Variants in EXOC6B observed in about 807,000 individuals in gnomAD.
EXOC6B encodes exocyst complex component 6B.
In EXOC6B, 54 loss-of-function variants were observed where a neutral mutation model predicts 113.5. The observed-to-expected ratio is 0.48, with a 90% CI of 0.38 to 0.60. The LOEUF is 0.60. Ranked by LOEUF, EXOC6B falls within the 20% of genes least tolerant of loss-of-function variation. The pLI is 0.00. For synonymous variants in EXOC6B, 357 were observed against 339.0 expected (o/e 1.05, Z -0.58); for missense variants, 797 against 977.5 (o/e 0.82, Z 2.46).
intron 5 of EXOC6B, 62 bp downstream of exon 5, chr2:72,730,945 A>C (rs1218080536): frequency 1.7e-6 from 2 of 1,192,990 alleles, no homozygotes; most frequent in Non-Finnish European, 2.3e-6. Flanking sequence ...ATGGACCTAA[A>C]CGTATTCTAA....
At chr2:72,350,285 A>G (rs1162315226) in intron 19 of EXOC6B, among the ~76,000 whole-genome samples, 2 of 152,224 alleles carry the variant, frequency 1.3e-5, no homozygotes, top group African/African-American at 4.8e-5. Flanking sequence ...AACATTTTCT[A>G]TATTTTCTAG....
In EXOC6B at chr2:72,698,507, C is replaced by CTA. The variant is rs200634947; in HGVS notation, c.669+19594_669+19595dup. On this transcript the variant is annotated intron_variant, in intron 6 of 21. Transcript: ENST00000272427. ...AATACCAATTTTATGCTTACTCATA[C>CTA]TATATTATCTCTAACTATTTCAAGT... is the stretch of plus-strand genomic sequence containing the variant. Among the ~76,000 whole-genome samples the CTA allele has an allele frequency of 1.1e-3, 169 of 152,024 alleles. 2 individuals carry two copies. In the East Asian group the frequency reaches 0.026, roughly 23 times the overall value.
chr2:72,560,891 G>GA (rs545739586), intron 7 of EXOC6B, among the ~76,000 whole-genome samples: 115 of 150,122 alleles, frequency 7.7e-4, no homozygotes, highest in Middle Eastern at 7.0e-3. Flanking sequence ...GCAAATTACT[G>GA]AAAAAAAATA....
At chr2:72,605,046 C>A (rs1670664053) in intron 6 of EXOC6B, among the ~76,000 whole-genome samples, 1 of 152,064 alleles carries the variant, frequency 6.6e-6, no homozygotes, top group Non-Finnish European at 1.5e-5. Flanking sequence ...GTAATCCCAG[C>A]ACTTTGGGAG....
chr2:72,183,992 G>A (rs1352564872), intron 21 of EXOC6B, 83 bp downstream of exon 21: 2 of 739,348 alleles, frequency 2.7e-6, no homozygotes, highest in East Asian at 5.8e-5. Flanking sequence ...CAAGGTATTG[G>A]CAGTGGCAAA....
chr2:72,322,988 A>C (rs1687919194), intron 20 of EXOC6B, among the ~76,000 whole-genome samples: 1 of 152,230 alleles, frequency 6.6e-6, no homozygotes. Flanking sequence ...AAATTGATAC[A>C]TGGGATCTAA....
chr2:72,819,985 C>A (rs1236220003), intron 1 of EXOC6B, among the ~76,000 whole-genome samples: 1 of 151,840 alleles, frequency 6.6e-6, no homozygotes, highest in Non-Finnish European at 1.5e-5. Context: ...TGTCACGAAC[C>A]AAGGATTATG....
intron 6 of EXOC6B, among the ~76,000 whole-genome samples, chr2:72,581,395 G>C (rs897019454): frequency 6.6e-6 from 1 of 152,112 alleles, no homozygotes; most frequent in Non-Finnish European, 1.5e-5. Context: ...AAAGTTATTT[G>C]TATGTTATTG....
At chr2:72,518,515 T>C (rs1449253168) in intron 8 of EXOC6B, among the ~76,000 whole-genome samples, 1 of 151,464 alleles carries the variant, frequency 6.6e-6, no homozygotes, top group East Asian at 1.9e-4. Flanking sequence ...TGTGTGTGTG[T>C]GTGTGGTGGG....
intron 1 of EXOC6B, among the ~76,000 whole-genome samples, chr2:72,765,799 C>T (rs530503691): frequency 8.3e-4 from 127 of 152,238 alleles, no homozygotes; most frequent in African/African-American, 3.0e-3. Context: ...CTTTTTCCCC[C>T]TCAAGGTAAG....
At chr2:72,714,716 C>T (rs1045449233) in intron 6 of EXOC6B, among the ~76,000 whole-genome samples, 9 of 152,120 alleles carry the variant, frequency 5.9e-5, no homozygotes, top group African/African-American at 2.2e-4. Flanking sequence ...ATGATCTTAC[C>T]ACCCACTGTT....
chr2:72,613,510 T>C (rs1199095782), intron 6 of EXOC6B, among the ~76,000 whole-genome samples: 1 of 152,010 alleles, frequency 6.6e-6, no homozygotes, highest in Non-Finnish European at 1.5e-5. Context: ...ATAATATGCA[T>C]AGACTCTTAT....
At chr2:72,363,597 C>CTGA (rs565740332) in intron 19 of EXOC6B, among the ~76,000 whole-genome samples, 4,128 of 151,348 alleles carry the variant, frequency 0.027, 176 homozygotes, top group African/African-American at 0.089. Context: ...ACTGCTGCTA[C>CTGA]TGATGATGAT....
chr2:72,811,030 C>CA (rs1012497359), intron 1 of EXOC6B, among the ~76,000 whole-genome samples: 60 of 146,304 alleles, frequency 4.1e-4, no homozygotes, highest in African/African-American at 9.0e-4. Flanking sequence ...AACCTCATAT[C>CA]AAAAAAAAAA....
chr2:72,730,004 T>TA (rs1249832811), intron 5 of EXOC6B, among the ~76,000 whole-genome samples: 1 of 152,196 alleles, frequency 6.6e-6, no homozygotes, highest in East Asian at 1.9e-4. Context: ...TCCAGGAAGA[T>TA]ATGCTTTGAT....
intron 20 of EXOC6B, among the ~76,000 whole-genome samples, chr2:72,290,792 C>T (rs995854258): frequency 6.6e-6 from 1 of 151,770 alleles, no homozygotes; most frequent in Non-Finnish European, 1.5e-5. Context: ...ATTTGATTTC[C>T]AAACAATTCA....
chr2:72,415,654 A>G (rs570616416), intron 18 of EXOC6B, among the ~76,000 whole-genome samples: 19 of 152,220 alleles, frequency 1.2e-4, no homozygotes, highest in African/African-American at 4.3e-4. Context: ...AGCCAACTGA[A>G]TAACACTGTT....
chr2:72,628,870 T>A (rs1349426815), intron 6 of EXOC6B, among the ~76,000 whole-genome samples: 2 of 152,164 alleles, frequency 1.3e-5, no homozygotes, highest in Non-Finnish European at 2.9e-5. Context: ...GTATATAAAG[T>A]ACATATATAT....
intron 1 of EXOC6B, among the ~76,000 whole-genome samples, chr2:72,783,189 T>C (rs939118040): frequency 2.0e-5 from 3 of 151,334 alleles, no homozygotes; most frequent in Non-Finnish European, 4.4e-5. Flanking sequence ...TGTTGGGGTT[T>C]TTTTTTTTTG....
Sources: allele counts gnomAD v4.1 joint callset (sites outside exome capture counted in the v4.1 genomes callset), GRCh38; gene constraint gnomAD v4.1.1; transcripts MANE v1.5; gene names NCBI Gene and HGNC (gene_info 2026-07-23, HGNC 2026-07-21).